The following DCLK1 variants were observed in gnomAD, a reference collection of about 807,000 sequenced individuals.
DCLK1 encodes the protein serine/threonine-protein kinase DCLK1.
A neutral mutation model predicts 86.2 loss-of-function variants in DCLK1; 16 were observed. The observed-to-expected ratio is 0.19, with a 90% CI of 0.13 to 0.28. The LOEUF is 0.28. Among genes scored for constraint, DCLK1 ranks in the 10% least tolerant of loss-of-function variants. The probability of loss-of-function intolerance (pLI) is 1.00; values close to 1 mark genes in which losing one functional copy is unlikely to be tolerated. For missense variants in DCLK1, 590 were observed against 940.2 expected, an observed-to-expected ratio of 0.63 and a Z score of 4.87; for synonymous variants, 369 against 370.5, an observed-to-expected ratio of 1.00 and a Z score of 0.05.
intron 16 of DCLK1, among the ~76,000 whole-genome samples, chr13:35,782,344 G>C (rs1227515291): frequency 6.6e-6 from 1 of 152,084 alleles, no homozygotes; most frequent in Admixed American, 6.5e-5. Context: ...GACAGCCCCT[G>C]ATTTTCTTAT....
At chr13:36,000,332 G>A (rs1208683998) in intron 3 of DCLK1, among the ~76,000 whole-genome samples, 1 of 152,040 alleles carries the variant, frequency 6.6e-6, no homozygotes, top group Non-Finnish European at 1.5e-5. Flanking sequence ...ATATCAACCT[G>A]CAAGAACACT....
chr13:35,919,852 C>T (rs1401268853), intron 4 of DCLK1, among the ~76,000 whole-genome samples: 1 of 142,798 alleles, frequency 7.0e-6, no homozygotes, highest in African/African-American at 2.6e-5. Flanking sequence ...CTTCTTTAGA[C>T]CTCATCTTCT....
At chr13:35,876,996 T>C (rs1334757626) in intron 4 of DCLK1, among the ~76,000 whole-genome samples, 1 of 152,142 alleles carries the variant, frequency 6.6e-6, no homozygotes, top group African/African-American at 2.4e-5. Context: ...CAGACCAAAC[T>C]CATGAACTGG....
chr13:35,986,697 T>A (rs1156979100), intron 3 of DCLK1, among the ~76,000 whole-genome samples: 2 of 152,134 alleles, frequency 1.3e-5, no homozygotes, highest in Non-Finnish European at 2.9e-5. Context: ...TGAATGGCTT[T>A]GGAGGTAGGG....
At chr13:35,919,274 C>T (rs1013511210) in intron 4 of DCLK1, among the ~76,000 whole-genome samples, 3 of 151,936 alleles carry the variant, frequency 2.0e-5, no homozygotes, top group African/African-American at 7.3e-5. Context: ...TAGCAGATTC[C>T]CATCTTTGGG....
At chr13:36,022,729 C>T (rs1464760423) in intron 3 of DCLK1, among the ~76,000 whole-genome samples, 2 of 151,838 alleles carry the variant, frequency 1.3e-5, no homozygotes, top group Non-Finnish European at 2.9e-5. Context: ...CTAATTAGAC[C>T]CTGTAATAAG....
intron 3 of DCLK1, among the ~76,000 whole-genome samples, chr13:36,040,223 A>G (rs1411251625): frequency 1.3e-5 from 2 of 151,084 alleles, no homozygotes; most frequent in African/African-American, 2.4e-5. Flanking sequence ...CTGTTACAGG[A>G]TCTCCTTTAT....
At chr13:35,777,959 A>C (rs1051183072) in intron 16 of DCLK1, among the ~76,000 whole-genome samples, 1 of 152,054 alleles carries the variant, frequency 6.6e-6, no homozygotes, top group African/African-American at 2.4e-5. Flanking sequence ...TTTCCCTACC[A>C]CTTTGTAGAC....
At chr13:35,992,836 T>C (rs966498801) in intron 3 of DCLK1, among the ~76,000 whole-genome samples, 1 of 152,224 alleles carries the variant, frequency 6.6e-6, no homozygotes, top group Non-Finnish European at 1.5e-5. Flanking sequence ...TTTTCCTTTG[T>C]GTGACCTGGT....
At chr13:36,119,054 A>G (rs1334020473) in intron 2 of DCLK1, among the ~76,000 whole-genome samples, 1 of 152,198 alleles carries the variant, frequency 6.6e-6, no homozygotes, top group Non-Finnish European at 1.5e-5. Context: ...CCCAAACATT[A>G]GGACCCTAGC....
At chr13:35,918,885 TGA>T (rs2153126404) in intron 4 of DCLK1, among the ~76,000 whole-genome samples, 6 of 123,132 alleles carry the variant, frequency 4.9e-5, no homozygotes, top group South Asian at 2.8e-4. Context: ...ATCTTCCTTC[TGA>T]GTGTGTTTTT....
intron 3 of DCLK1, among the ~76,000 whole-genome samples, chr13:35,950,321 T>C (rs960567573): frequency 6.6e-6 from 1 of 152,236 alleles, no homozygotes; most frequent in Non-Finnish European, 1.5e-5. Flanking sequence ...GAGGTAGCTG[T>C]AATGTATTCC....
chr13:35,954,079 T>G (rs1156631857), intron 3 of DCLK1, among the ~76,000 whole-genome samples: 1 of 152,206 alleles, frequency 6.6e-6, no homozygotes, highest in Non-Finnish European at 1.5e-5. Context: ...CTGTTTTAAC[T>G]TTCTTTTTCT....
chr13:35,954,653 T>C lies in DCLK1; in HGVS notation c.724-7196A>G, dbSNP rs546095049. Among the ~76,000 whole-genome samples, 3 of 152,314 alleles carry C rather than the reference T, an allele frequency of 2.0e-5. No homozygotes were observed. In the East Asian group the frequency reaches 5.8e-4, roughly 29 times the overall value. ...AATTTATGAAAGTGATAATTTATTT[T>C]ACTCTAGTTCTTATGGCTAGAAGCT... On this transcript the variant is annotated intron_variant, in intron 3 of 16. Coordinates refer to ENST00000360631, the MANE Select transcript of DCLK1 (RefSeq NM_001330071.2).
intron 3 of DCLK1, among the ~76,000 whole-genome samples, chr13:35,948,797 G>A (rs1379811686): frequency 1.3e-5 from 2 of 152,106 alleles, no homozygotes; most frequent in African/African-American, 4.8e-5. Context: ...AAAACACAGG[G>A]GATTTAAGAG....
In DCLK1 at chr13:35,849,840, GAC is replaced by G. The variant is rs1028554871; in HGVS notation, c.1035+4657_1035+4658del. ...AAATGGATTTCTTGGAAAAAGTCCA[GAC>G]ACAATTTTTTTTAGGTCTGTATGGA... On this transcript the variant is annotated intron_variant, in intron 6 of 16. Coordinates refer to ENST00000360631, the MANE Select transcript of DCLK1 (RefSeq NM_001330071.2). 1.0e-5 allele frequency: 10 copies of G among 982,406 alleles called. No homozygotes were observed. The African/African-American group carries it at 1.8e-4, about 17-fold the overall frequency. 60.9% of individuals were successfully genotyped at this position (982,406 alleles called of 1,614,324 possible). A position where few individuals can be genotyped will look rare whatever the true frequency, so the allele number is the denominator to read the frequency against.
intron 4 of DCLK1, among the ~76,000 whole-genome samples, chr13:35,904,326 G>A (rs1309623586): frequency 2.6e-5 from 4 of 152,040 alleles, no homozygotes; most frequent in Non-Finnish European, 5.9e-5. Flanking sequence ...AGCTATTCTC[G>A]TGCCTCAGCC....
At chr13:35,826,556 A>AAGGAAGGAAGGAAGGAAGGAAGGATGG (rs1868476343) in intron 10 of DCLK1, among the ~76,000 whole-genome samples, 1 of 103,442 alleles carries the variant, frequency 9.7e-6, no homozygotes, top group African/African-American at 3.1e-5. Context: ...AGAAAGAAAG[A>AAGGAAGGAAGGAAGGAAGGAAGGATGG]AAGAAACAAG....
chr13:35,776,542 T>C (rs551883166), intron 16 of DCLK1, among the ~76,000 whole-genome samples: 6 of 152,314 alleles, frequency 3.9e-5, no homozygotes, highest in Non-Finnish European at 7.3e-5. Context: ...ACTCTGTCCA[T>C]TGCTGACCAT....
Sources: gnomAD v4.1 joint callset for allele counts (sites outside exome capture counted in the v4.1 genomes callset) on GRCh38, gnomAD v4.1.1 for gene constraint, MANE v1.5 for transcripts, NCBI Gene and HGNC (gene_info 2026-07-23, HGNC 2026-07-21) for gene names.